Variants in ROBO1 observed in about 807,000 individuals in gnomAD.
The protein encoded by ROBO1 is roundabout homolog 1.
In ROBO1, 149 loss-of-function variants were observed where a neutral mutation model predicts 195.9. The ratio of observed to expected loss-of-function variants is 0.76; its 90% CI spans 0.67 to 0.87. The LOEUF (loss-of-function observed/expected upper bound fraction) is 0.87. Ranked by LOEUF, ROBO1 falls within the 40% of genes least tolerant of loss-of-function variation. ROBO1 has a pLI of 0.00. For missense variants in ROBO1, 1,933 were observed against 2,068.3 expected (o/e 0.93, Z 1.27); for synonymous variants, 816 against 733.2 (o/e 1.11, Z -1.82).
intron 4 of ROBO1, among the ~76,000 whole-genome samples, chr3:78,803,898 T>C (rs1483837231): frequency 6.6e-6 from 1 of 152,200 alleles, no homozygotes; most frequent in Admixed American, 6.5e-5. Context: ...TGTATGTGTA[T>C]ATTATAAAAG....
intron 1 of ROBO1, among the ~76,000 whole-genome samples, chr3:79,752,301 T>C (rs1704162105): frequency 6.6e-6 from 1 of 152,182 alleles, no homozygotes; most frequent in African/African-American, 2.4e-5. Context: ...TGCATTACTT[T>C]ATACATTTAT....
chr3:78,893,716 A>G (rs1312993685), intron 4 of ROBO1, among the ~76,000 whole-genome samples: 6 of 152,194 alleles, frequency 3.9e-5, no homozygotes, highest in Non-Finnish European at 7.4e-5. Context: ...CTACTTTATA[A>G]ATAAAAAATG....
At chr3:79,698,337 A>C (rs1368412017) in intron 1 of ROBO1, among the ~76,000 whole-genome samples, 1 of 151,522 alleles carries the variant, frequency 6.6e-6, no homozygotes, top group East Asian at 1.9e-4. Context: ...TCATGTGCTC[A>C]TTCTACCTTT....
intron 2 of ROBO1, among the ~76,000 whole-genome samples, chr3:79,515,673 T>C (rs1232613097): frequency 6.6e-6 from 1 of 152,214 alleles, no homozygotes; most frequent in Non-Finnish European, 1.5e-5. Flanking sequence ...CAAAACACTA[T>C]ATCCAAGTAT....
intron 3 of ROBO1, among the ~76,000 whole-genome samples, chr3:79,078,285 T>A (rs1404083801): frequency 1.3e-5 from 2 of 151,792 alleles, no homozygotes; most frequent in Non-Finnish European, 3.0e-5. Context: ...ATTGAGGGGC[T>A]ACTAAACTGT....
chr3:79,419,471 A>G (rs142169655), intron 2 of ROBO1, among the ~76,000 whole-genome samples: 215 of 152,182 alleles, frequency 1.4e-3, no homozygotes, highest in Middle Eastern at 0.014. Flanking sequence ...ATGTTGAGAA[A>G]CTAAAGGGTG....
At chr3:78,958,781 C>T (rs1358072659) in intron 3 of ROBO1, among the ~76,000 whole-genome samples, 1 of 151,732 alleles carries the variant, frequency 6.6e-6, no homozygotes, top group Non-Finnish European at 1.5e-5. Context: ...CTCAATCAGT[C>T]CCAGGTAAAC....
intron 4 of ROBO1, among the ~76,000 whole-genome samples, chr3:78,830,506 G>A (rs746962399): frequency 2.6e-5 from 4 of 152,120 alleles, no homozygotes; most frequent in Non-Finnish European, 4.4e-5. Context: ...TTACAATCAC[G>A]ACAGAAAGGG....
intron 4 of ROBO1, among the ~76,000 whole-genome samples, chr3:78,919,878 T>C (rs1364017960): frequency 6.6e-6 from 1 of 152,222 alleles, no homozygotes; most frequent in Non-Finnish European, 1.5e-5. Flanking sequence ...TAACTTGATT[T>C]GCTAATAATG....
At chr3:79,348,388 A>C (rs549490411) in intron 2 of ROBO1, among the ~76,000 whole-genome samples, 1 of 152,204 alleles carries the variant, frequency 6.6e-6, no homozygotes, top group East Asian at 1.9e-4. Flanking sequence ...AAATGCATGC[A>C]TTTGTTTAGC....
intron 9 of ROBO1, among the ~76,000 whole-genome samples, chr3:78,687,894 G>A (rs2081086538): frequency 6.6e-6 from 1 of 152,132 alleles, no homozygotes; most frequent in Non-Finnish European, 1.5e-5. Flanking sequence ...GCCTCCCAAA[G>A]TACTGAGATT....
chr3:79,682,411 G>A (rs1365090096), intron 1 of ROBO1, among the ~76,000 whole-genome samples: 1 of 151,848 alleles, frequency 6.6e-6, no homozygotes, highest in East Asian at 1.9e-4. Context: ...TAACCTGTCT[G>A]GCTAATTAAC....
chr3:79,490,872 C>T (rs1192909368), intron 2 of ROBO1, among the ~76,000 whole-genome samples: 3 of 151,994 alleles, frequency 2.0e-5, no homozygotes, highest in South Asian at 2.1e-4. Context: ...TCGAGGGGGA[C>T]GCCTTGAAGA....
chr3:78,892,220 G>T (rs966531628), intron 4 of ROBO1, among the ~76,000 whole-genome samples: 5 of 152,130 alleles, frequency 3.3e-5, no homozygotes, highest in African/African-American at 1.2e-4. Flanking sequence ...ATTAGCATTA[G>T]ATTCTCATAG....
intron 1 of ROBO1, among the ~76,000 whole-genome samples, chr3:79,598,121 A>G (rs1372276107): frequency 6.6e-6 from 1 of 152,124 alleles, no homozygotes; most frequent in Non-Finnish European, 1.5e-5. Context: ...TATATCACAA[A>G]TGTGGTAATT....
At chr3:79,664,782 T>C (rs189500397) in intron 1 of ROBO1, among the ~76,000 whole-genome samples, 1 of 152,024 alleles carries the variant, frequency 6.6e-6, no homozygotes, top group Admixed American at 6.6e-5. Flanking sequence ...TACCATAAAT[T>C]TTCCGTGGAA....
chr3:79,657,876 C>A (rs1444061776), intron 1 of ROBO1, among the ~76,000 whole-genome samples: 1 of 151,906 alleles, frequency 6.6e-6, no homozygotes, highest in Non-Finnish European at 1.5e-5. Context: ...GCATCTATAC[C>A]CTACTGATGG....
rs76530739 is a variant in ROBO1, at chr3:78,924,708, T to G, written c.499+13893A>C. 1.4e-3 allele frequency among the ~76,000 whole-genome samples: 215 copies of G among 151,964 alleles called. 4 individuals carry two copies. The East Asian group carries it at 0.033, about 23-fold the overall frequency. On this transcript the variant is annotated intron_variant, in intron 4 of 30. Transcript: ENST00000464233. ...CTCCCCTAAGTAGCATTAATCATTA[T>G]AGCTTAGAAAATGGTTACTATCAGC...
intron 3 of ROBO1, among the ~76,000 whole-genome samples, chr3:79,002,201 C>G (rs1372230468): frequency 6.6e-6 from 1 of 151,990 alleles, no homozygotes; most frequent in East Asian, 1.9e-4. Context: ...GAAATGCTGG[C>G]CTGGAATGAA....
Sources: allele counts gnomAD v4.1 joint callset (sites outside exome capture counted in the v4.1 genomes callset), GRCh38; gene constraint gnomAD v4.1.1; transcripts MANE v1.5; gene names NCBI Gene and HGNC (gene_info 2026-07-23, HGNC 2026-07-21).